Variants in CNTN5 observed in about 807,000 individuals in gnomAD.
CNTN5 encodes the protein contactin-5.
Under a neutral mutation model 129.1 loss-of-function variants are expected in CNTN5, and 77 were observed. The ratio of observed to expected loss-of-function variants is 0.60; its 90% CI spans 0.50 to 0.72. The LOEUF (loss-of-function observed/expected upper bound fraction) is 0.72, where lower values mean the gene tolerates loss of function less well. Ranked by LOEUF, CNTN5 falls within the 30% of genes least tolerant of loss-of-function variation. The probability of loss-of-function intolerance (pLI) is 0.00; values close to 1 mark genes in which losing one functional copy is unlikely to be tolerated. For synonymous variants in CNTN5, 509 were observed against 465.6 expected (o/e 1.09, Z -1.20); for missense variants, 1,478 against 1,328.8 (o/e 1.11, Z -1.75).
chr11:99,181,957 C>T (rs915661184), intron 1 of CNTN5, among the ~76,000 whole-genome samples: 3 of 152,090 alleles, frequency 2.0e-5, no homozygotes, highest in African/African-American at 7.2e-5. Context: ...TATAAAATGA[C>T]CTTTAACTCT....
At chr11:99,842,564 C>T (rs1947544760) in intron 4 of CNTN5, among the ~76,000 whole-genome samples, 1 of 152,126 alleles carries the variant, frequency 6.6e-6, no homozygotes, top group East Asian at 1.9e-4. Context: ...AACTCTAAAG[C>T]TCAGGAGTTG....
intron 1 of CNTN5, among the ~76,000 whole-genome samples, chr11:99,200,903 T>G (rs1258212182): frequency 2.0e-5 from 3 of 152,118 alleles, no homozygotes; most frequent in Admixed American, 6.6e-5. Flanking sequence ...ATCACCTTCT[T>G]TGGGAACAGT....
intron 2 of CNTN5, among the ~76,000 whole-genome samples, chr11:99,355,820 TG>T (rs376806115): frequency 1.4e-5 from 2 of 146,592 alleles, no homozygotes; most frequent in African/African-American, 2.6e-5. Context: ...GGTTTTTTTT[TG>T]TTTTTTTTTT....
intron 3 of CNTN5, among the ~76,000 whole-genome samples, chr11:99,611,907 A>G (rs1344255631): frequency 1.3e-5 from 2 of 152,196 alleles, no homozygotes; most frequent in Non-Finnish European, 1.5e-5. Context: ...AGAATTCTAT[A>G]ATCCTACAAT....
chr11:99,179,392 A>C (rs2135560033), intron 1 of CNTN5, among the ~76,000 whole-genome samples: 1 of 152,286 alleles, frequency 6.6e-6, no homozygotes, highest in East Asian at 1.9e-4. Context: ...CAGTGAGCCA[A>C]GATCGTGCCA....
At chr11:100,069,530 G>A (rs777771914) in intron 10 of CNTN5, among the ~76,000 whole-genome samples, 5 of 151,922 alleles carry the variant, frequency 3.3e-5, no homozygotes, top group African/African-American at 7.3e-5. Flanking sequence ...CACCTCTACC[G>A]CAGCAAAAAC....
At position 100,104,164 on chromosome 11, in the gene CNTN5, C is replaced by T. The variant is rs545874748; in HGVS notation, c.1580+29870C>T. ...AGCTGGAATGCAGTAGTGAGATCTC[C>T]GCTCACTGCAACTTCCGCCTCCCAG... On this transcript the variant is annotated intron_variant, in intron 13 of 24. Coordinates refer to ENST00000524871, the MANE Select transcript of CNTN5 (RefSeq NM_014361.4). Among the ~76,000 whole-genome samples the T allele has an allele frequency of 5.9e-4, 89 of 150,544 alleles. No individual in the cohort carries two copies. The South Asian group carries it at 9.0e-3, about 15-fold the overall frequency.
intron 16 of CNTN5, among the ~76,000 whole-genome samples, chr11:100,252,189 T>C (rs371223615): frequency 6.6e-6 from 1 of 152,166 alleles, no homozygotes; most frequent in South Asian, 2.1e-4. Context: ...ATTTCTTTCA[T>C]ATATTTGTGG....
intron 1 of CNTN5, among the ~76,000 whole-genome samples, chr11:99,219,242 T>G (rs1286079371): frequency 6.6e-6 from 1 of 152,002 alleles, no homozygotes; most frequent in Non-Finnish European, 1.5e-5. Context: ...TGGAAGTATA[T>G]TCTAATGAAA....
At chr11:99,525,651 A>G (rs143458990) in intron 2 of CNTN5, among the ~76,000 whole-genome samples, 415 of 152,354 alleles carry the variant, frequency 2.7e-3, no homozygotes, top group Non-Finnish European at 4.8e-3. Context: ...AGTTTGAAGA[A>G]ATGCATAGAC....
intron 2 of CNTN5, among the ~76,000 whole-genome samples, chr11:99,416,160 A>G (rs1942646236): frequency 6.6e-6 from 1 of 152,090 alleles, no homozygotes; most frequent in Admixed American, 6.6e-5. Context: ...TCAGGGTTTT[A>G]TTTACTTATT....
At chr11:100,339,576 A>G (rs886499333) in intron 21 of CNTN5, among the ~76,000 whole-genome samples, 7 of 152,264 alleles carry the variant, frequency 4.6e-5, no homozygotes, top group African/African-American at 1.7e-4. Context: ...GAATGGGCAA[A>G]AAAGGAATAG....
intron 7 of CNTN5, among the ~76,000 whole-genome samples, chr11:99,927,088 G>T (rs1470783155): frequency 3.3e-5 from 5 of 152,080 alleles, no homozygotes; most frequent in Non-Finnish European, 5.9e-5. Context: ...TGTAATTAGG[G>T]TTACTTGAGT....
chr11:99,467,152 T>C (rs540502501), intron 2 of CNTN5, among the ~76,000 whole-genome samples: 1 of 152,330 alleles, frequency 6.6e-6, no homozygotes, highest in Non-Finnish European at 1.5e-5. Context: ...CACAGTGTTT[T>C]TTTATGTTTA....
At chr11:100,234,298 A>G (rs1331808513) in intron 16 of CNTN5, among the ~76,000 whole-genome samples, 1 of 152,210 alleles carries the variant, frequency 6.6e-6, no homozygotes, top group Non-Finnish European at 1.5e-5. Flanking sequence ...CACTGGGTAT[A>G]TACCCAAAGG....
rs189063299 is a variant in CNTN5 at position 99,317,272 on chromosome 11, A to G, written c.-209-8074A>G. ...TCAGCAACCAATTCCGTGCTCTGTT[A>G]CTTGCTGCAGACAGCCCTTTTGACC... On this transcript the variant is annotated intron_variant, in intron 1 of 24. Transcript: ENST00000524871. Among the ~76,000 whole-genome samples, 17 of 152,278 alleles carry G rather than the reference A, an allele frequency of 1.1e-4. No homozygotes were observed. The East Asian group carries it at 2.5e-3, about 23-fold the overall frequency.
chr11:99,751,268 C>T (rs1343950322), intron 3 of CNTN5, among the ~76,000 whole-genome samples: 5 of 152,046 alleles, frequency 3.3e-5, no homozygotes, highest in African/African-American at 4.8e-5. Context: ...ACTTGTGAGG[C>T]GAAGGTTGCA....
chr11:100,058,818 T>C (rs1441966237), intron 9 of CNTN5, among the ~76,000 whole-genome samples: 2 of 152,092 alleles, frequency 1.3e-5, no homozygotes, highest in East Asian at 3.9e-4. Context: ...ACAAGAGACA[T>C]AAGTAAGATA....
intron 13 of CNTN5, among the ~76,000 whole-genome samples, chr11:100,087,135 G>A (rs557121689): frequency 2.6e-5 from 4 of 151,228 alleles, no homozygotes; most frequent in Non-Finnish European, 5.9e-5. Flanking sequence ...ATCAAGAAAA[G>A]AGCTACAAAA....
Sources: allele counts gnomAD v4.1 joint callset (sites outside exome capture counted in the v4.1 genomes callset), GRCh38; gene constraint gnomAD v4.1.1; transcripts MANE v1.5; gene names NCBI Gene and HGNC (gene_info 2026-07-23, HGNC 2026-07-21).